F13A1: variants seen among roughly 807,000 people sequenced by gnomAD.
F13A1 encodes FSF, A subunit.
F13A1 carries 47 observed loss-of-function variants against 80.1 expected under a neutral mutation model. The observed-to-expected ratio is 0.59, with a 90% confidence interval of 0.46 to 0.75. The LOEUF (loss-of-function observed/expected upper bound fraction) is 0.75. F13A1 is among the 30% of genes least tolerant of loss of function. F13A1 has a pLI of 0.00. For synonymous variants in F13A1, 349 were observed against 344.9 expected, an observed-to-expected ratio of 1.01 and a Z score of -0.13; for missense variants, 817 against 930.4, an observed-to-expected ratio of 0.88 and a Z score of 1.59.
At chr6:6,150,848 G>GA (rs1561942975) in intron 14 of F13A1, among the ~76,000 whole-genome samples, 21 of 150,970 alleles carry the variant, frequency 1.4e-4, no homozygotes, top group African/African-American at 3.4e-4. Flanking sequence ...GGAATGTGTG[G>GA]GAGAGAGAGA....
At chr6:6,232,511 T>A (rs1757366238) in intron 6 of F13A1, among the ~76,000 whole-genome samples, 1 of 152,162 alleles carries the variant, frequency 6.6e-6, no homozygotes, top group African/African-American at 2.4e-5. Flanking sequence ...AGTGGAGGAC[T>A]TCAGTACTCC....
chr6:6,216,208 T>A (rs1308903214), intron 8 of F13A1, among the ~76,000 whole-genome samples: 7 of 152,080 alleles, frequency 4.6e-5, no homozygotes, highest in Non-Finnish European at 1.0e-4. Flanking sequence ...AAAGAGAGCC[T>A]GCATCGCCAA....
chr6:6,182,000 TGTAA>T lies in F13A1; in HGVS notation c.1443_1446del (p.Tyr482AsnfsTer13), dbSNP rs1190435268. ...GGTAGTAAATTACCTTCTTGGAATT[TGTAA>T]GTATCAGTAATATCCATCATGCCAT... On this transcript the variant is annotated frameshift_variant, in exon 11 of 15. Transcript: ENST00000264870. LOFTEE classifies it high-confidence loss of function. 1.9e-6 allele frequency: 3 copies of T among 1,614,104 alleles called. No homozygotes were observed. The Admixed American group carries it at 5.0e-5, about 27-fold the overall frequency.
At chr6:6,173,156 G>A (rs921507083) in intron 12 of F13A1, among the ~76,000 whole-genome samples, 1 of 152,120 alleles carries the variant, frequency 6.6e-6, no homozygotes, top group African/African-American at 2.4e-5. Flanking sequence ...CCATCGTGTG[G>A]TCAACTGTTG....
intron 3 of F13A1, among the ~76,000 whole-genome samples, chr6:6,294,573 A>AACACACAC (rs574168007): frequency 9.5e-4 from 144 of 151,046 alleles, no homozygotes; most frequent in African/African-American, 3.0e-3. Flanking sequence ...TATATGTACA[A>AACACACAC]ACACACACAC....
Position 6,318,696 on chromosome 6 carries a change from A to AG in F13A1, c.-18-15_-18-14insC. On this transcript the variant is annotated splice_polypyrimidine_tract_variant and intron_variant, in intron 1 of 14. Transcript: ENST00000264870. ...CTTTACAAGGTCCTTCAGAAAAAAA[A>AG]AAAAAAGAAGACAACAGAAAAGGCA... is the stretch of plus-strand genomic sequence containing the variant. The AG allele has an allele frequency of 6.2e-7, 1 of 1,604,350 alleles. No individual in the cohort carries two copies. The highest frequency in any genetic ancestry group is 1.1e-5 in the South Asian group (1 of 89,680).
Position 6,145,428 on chromosome 6 carries a change from T to C in F13A1, c.*191A>G. ...GAAGGTGGAGAGATTAAAAACTAAC[T>C]TCCTTGCCGAATAGCCTGGGTTTGG... is the stretch of plus-strand genomic sequence containing the variant. On this transcript the variant is annotated 3_prime_UTR_variant, in exon 15 of 15. Coordinates refer to ENST00000264870, the MANE Select transcript of F13A1 (RefSeq NM_000129.4). 2 of 690,938 alleles carry C rather than the reference T, an allele frequency of 2.9e-6. No homozygotes were observed. Among genetic ancestry groups the C allele is most frequent in the Non-Finnish European group, 2.5e-6 (1 of 397,208 alleles). 42.8% of individuals were successfully genotyped at this position (690,938 alleles called of 1,614,324 possible).
intron 12 of F13A1, among the ~76,000 whole-genome samples, chr6:6,171,108 A>G (rs1760764683): frequency 6.6e-6 from 1 of 152,190 alleles, no homozygotes; most frequent in African/African-American, 2.4e-5. Context: ...GAAGGAGATT[A>G]TGAGACAGGA....
intron 3 of F13A1, among the ~76,000 whole-genome samples, chr6:6,272,506 T>C (rs1401982231): frequency 6.6e-6 from 1 of 152,196 alleles, no homozygotes; most frequent in Non-Finnish European, 1.5e-5. Context: ...ACTTCTCTCC[T>C]CTTTTGGGCA....
chr6:6,160,692 G>T (rs1007898728), intron 13 of F13A1, among the ~76,000 whole-genome samples: 1 of 152,074 alleles, frequency 6.6e-6, no homozygotes, highest in East Asian at 1.9e-4. Context: ...TTTACAGAGT[G>T]GGCACCAAAT....
At chr6:6,298,362 A>G (rs937426541) in intron 3 of F13A1, among the ~76,000 whole-genome samples, 7 of 150,010 alleles carry the variant, frequency 4.7e-5, no homozygotes, top group African/African-American at 1.8e-4. Context: ...AAAGCCTCCC[A>G]TTATTAATGT....
intron 10 of F13A1, among the ~76,000 whole-genome samples, chr6:6,184,604 C>G (rs1761044266): frequency 6.6e-6 from 1 of 152,174 alleles, no homozygotes; most frequent in Non-Finnish European, 1.5e-5. Flanking sequence ...CTGGAGGAAG[C>G]CATGTAAGTA....
chr6:6,293,894 C>T (rs1308167991), intron 3 of F13A1, among the ~76,000 whole-genome samples: 1 of 151,748 alleles, frequency 6.6e-6, no homozygotes, highest in Non-Finnish European at 1.5e-5. Context: ...AGAACAGCAA[C>T]ATAGGGAAAC....
At position 6,268,687 on chromosome 6, in the gene F13A1, A is replaced by ATT. The variant is rs71540894; in HGVS notation, c.320-1880_320-1879dup. On this transcript the variant is annotated intron_variant, in intron 3 of 14. Transcript: ENST00000264870. ...GTAGGGGCTGGCTGAGGGGGCACTC[A>ATT]TTTTTTTTTTTTTTTTTTGAGAAGG... Among the ~76,000 whole-genome samples, 17 of 137,354 alleles carry ATT rather than the reference A, an allele frequency of 1.2e-4. No homozygotes were observed. The Middle Eastern group carries it at 0.015, about 122-fold the overall frequency. The allele number at this position is 137,354 out of a possible 152,430, so 90.1% of individuals were successfully genotyped here. A position where few individuals can be genotyped will look rare whatever the true frequency, so the allele number is the denominator to read the frequency against.
chr6:6,165,410 A>C (rs922867), intron 13 of F13A1, among the ~76,000 whole-genome samples: 5,315 of 152,236 alleles, frequency 0.035, 302 homozygotes, highest in African/African-American at 0.12. Context: ...TTTCCTTCAT[A>C]CATCCGGTTT....
intron 8 of F13A1, among the ~76,000 whole-genome samples, chr6:6,201,359 T>C (rs1761391228): frequency 6.6e-6 from 1 of 152,118 alleles, no homozygotes; most frequent in African/African-American, 2.4e-5. Flanking sequence ...GGGTGGGAGT[T>C]TCATAACAGG....
intron 11 of F13A1, among the ~76,000 whole-genome samples, chr6:6,180,490 T>C (rs1048279566): frequency 2.6e-5 from 4 of 152,188 alleles, no homozygotes; most frequent in Non-Finnish European, 4.4e-5. Context: ...TATGAATGAG[T>C]GGATGTTGCA....
Position 6,195,904 on chromosome 6 carries a change from G to C in F13A1, c.1217-19C>G. The C allele has an allele frequency of 6.2e-7, 1 of 1,612,238 alleles. No homozygotes were observed. The highest frequency in any genetic ancestry group is 8.5e-7 in the Non-Finnish European group (1 of 1,178,468). On this transcript the variant is annotated intron_variant, in intron 9 of 14. Coordinates refer to ENST00000264870, the MANE Select transcript of F13A1 (RefSeq NM_000129.4). ...TACATGCCTGCATTGCACAGAGGAA[G>C]GGCGGTGTGAGTTTGTCATCTCCAA... is the stretch of plus-strand genomic sequence containing the variant.
intron 3 of F13A1, among the ~76,000 whole-genome samples, chr6:6,274,535 T>G (rs1003932809): frequency 6.6e-6 from 1 of 152,156 alleles, no homozygotes; most frequent in Admixed American, 6.5e-5. Flanking sequence ...GCCAGTGGCA[T>G]TCACAGGAAG....
Sources: gnomAD v4.1 joint callset for allele counts (sites outside exome capture counted in the v4.1 genomes callset) on GRCh38, gnomAD v4.1.1 for gene constraint, MANE v1.5 for transcripts, NCBI Gene and HGNC (gene_info 2026-07-23, HGNC 2026-07-21) for gene names.